The following NRG1 variants were observed in gnomAD, a reference collection of about 807,000 sequenced individuals.
NRG1 encodes the protein neuregulin 1, also known as pro-neuregulin-1, membrane-bound isoform.
A neutral mutation model predicts 63.8 loss-of-function variants in NRG1; 18 were observed. The ratio of observed to expected loss-of-function variants is 0.28; its 90% CI spans 0.19 to 0.42. The LOEUF is 0.42. Ranked by LOEUF, NRG1 falls within the 10% of genes least tolerant of loss-of-function variation. NRG1 has a pLI of 1.00. For synonymous variants in NRG1, 302 were observed against 301.3 expected, an observed-to-expected ratio of 1.00 and a Z score of -0.02; for missense variants, 762 against 814.7, an observed-to-expected ratio of 0.94 and a Z score of 0.79.
chr8:31,746,675 T>C (rs1302358373), intron 1 of NRG1, among the ~76,000 whole-genome samples: 3 of 151,860 alleles, frequency 2.0e-5, no homozygotes, highest in Non-Finnish European at 4.4e-5. Context: ...CAAAAGAAAA[T>C]AAATCAGTAT....
At position 31,996,542 on chromosome 8, in the gene NRG1, A is replaced by G. The variant is rs1188023111; in HGVS notation, c.37+357111A>G. 2.6e-5 allele frequency among the ~76,000 whole-genome samples: 4 copies of G among 152,012 alleles called. No individual in the cohort carries two copies. The East Asian group carries it at 7.8e-4, about 30-fold the overall frequency. Reference sequence around the variant, plus strand: ...AGCTCAGGAGTCTAAGACCAGCCTGAGTAACAAGTGAGACCCTCTTCTCTA... The same window carrying G: ...AGCTCAGGAGTCTAAGACCAGCCTGGGTAACAAGTGAGACCCTCTTCTCTA... On this transcript the variant is annotated intron_variant, in intron 1 of 10. Coordinates refer to the NRG1 transcript ENST00000519301.
intron 1 of NRG1, among the ~76,000 whole-genome samples, chr8:31,959,623 A>G (rs552400117): frequency 1.3e-5 from 2 of 152,274 alleles, no homozygotes; most frequent in Non-Finnish European, 2.9e-5. Flanking sequence ...TAGTTAATCT[A>G]TAAAGCCTTA....
chr8:32,215,596 A>T (rs575528974), intron 1 of NRG1, among the ~76,000 whole-genome samples: 1 of 152,362 alleles, frequency 6.6e-6, no homozygotes, highest in South Asian at 2.1e-4. Context: ...AAGGTCTCAC[A>T]GTTGTAAGGG....
At chr8:32,637,733 T>C (rs1459933580) in intron 5 of NRG1, among the ~76,000 whole-genome samples, 12 of 152,194 alleles carry the variant, frequency 7.9e-5, no homozygotes, top group Non-Finnish European at 1.2e-4. Context: ...ACAATTCAGG[T>C]AGCGTCTAAT....
chr8:32,397,738 T>C (rs1317025648), intron 1 of NRG1, among the ~76,000 whole-genome samples: 1 of 152,198 alleles, frequency 6.6e-6, no homozygotes, highest in Non-Finnish European at 1.5e-5. Flanking sequence ...AAACACACCC[T>C]CCTCTTCCCC....
intron 1 of NRG1, among the ~76,000 whole-genome samples, chr8:32,537,621 G>C (rs1023383239): frequency 6.6e-5 from 10 of 152,188 alleles, no homozygotes; most frequent in Non-Finnish European, 1.2e-4. Flanking sequence ...AGTCAGGGGA[G>C]AGTGGCAACT....
intron 1 of NRG1, among the ~76,000 whole-genome samples, chr8:31,774,700 A>G (rs1194366101): frequency 6.6e-6 from 1 of 152,178 alleles, no homozygotes; most frequent in Non-Finnish European, 1.5e-5. Flanking sequence ...ATTTAAATTA[A>G]GTCCCAGTTG....
chr8:32,487,952 A>C (rs1826105279), intron 1 of NRG1, among the ~76,000 whole-genome samples: 1 of 152,216 alleles, frequency 6.6e-6, no homozygotes, highest in Admixed American at 6.5e-5. Flanking sequence ...CAACAAGGGT[A>C]CAAAGGCAGC....
chr8:32,514,998 C>A (rs1829665879), intron 1 of NRG1, among the ~76,000 whole-genome samples: 1 of 89,062 alleles, frequency 1.1e-5, no homozygotes, highest in Admixed American at 1.4e-4. Flanking sequence ...GTATACATAT[C>A]ACATTTTCTT....
At chr8:32,622,759 G>A (rs1848562783) in intron 5 of NRG1, among the ~76,000 whole-genome samples, 1 of 152,210 alleles carries the variant, frequency 6.6e-6, no homozygotes, top group African/African-American at 2.4e-5. Flanking sequence ...GAAGTCTAAT[G>A]TGAGAAAATG....
At chr8:32,646,146 C>T (rs537249757) in intron 5 of NRG1, among the ~76,000 whole-genome samples, 1 of 152,248 alleles carries the variant, frequency 6.6e-6, no homozygotes, top group Admixed American at 6.5e-5. Context: ...ATTAGCTTGA[C>T]ATTATTAGTC....
chr8:32,211,187 C>A (rs566723711), intron 1 of NRG1, among the ~76,000 whole-genome samples: 4 of 152,152 alleles, frequency 2.6e-5, no homozygotes, highest in African/African-American at 9.6e-5. Flanking sequence ...AGATTTTGTT[C>A]TGTTTCTTTT....
intron 1 of NRG1, among the ~76,000 whole-genome samples, chr8:31,944,638 G>A (rs1416328173): frequency 6.6e-6 from 1 of 152,212 alleles, no homozygotes; most frequent in African/African-American, 2.4e-5. Flanking sequence ...ATTAACTTCA[G>A]CCTTGTATTT....
upstream of NRG1, among the ~76,000 whole-genome samples, chr8:32,547,581 C>G (rs1833203098): frequency 6.9e-6 from 1 of 145,736 alleles, no homozygotes; most frequent in African/African-American, 2.5e-5. Flanking sequence ...TTCTAACAGG[C>G]ACTTACTAAA....
At chr8:32,454,610 C>T (rs933971975) in intron 1 of NRG1, among the ~76,000 whole-genome samples, 29 of 111,964 alleles carry the variant, frequency 2.6e-4, no homozygotes, top group Admixed American at 2.4e-4. Flanking sequence ...GGTGGCTGCT[C>T]TCAAATTTTT....
chr8:32,120,921 G>T (rs1241293141), intron 1 of NRG1, among the ~76,000 whole-genome samples: 1 of 152,002 alleles, frequency 6.6e-6, no homozygotes, highest in South Asian at 2.1e-4. Flanking sequence ...TCTGCAAGAG[G>T]GGAGTTCCAT....
chr8:31,890,842 C>A (rs1038919320), intron 1 of NRG1, among the ~76,000 whole-genome samples: 5 of 152,142 alleles, frequency 3.3e-5, no homozygotes. Context: ...CAAATGGAAT[C>A]AAACAGGAAA....
chr8:32,227,325 A>G (rs1296159452), intron 1 of NRG1, among the ~76,000 whole-genome samples: 1 of 152,216 alleles, frequency 6.6e-6, no homozygotes, highest in African/African-American at 2.4e-5. Context: ...TTCTTCATGA[A>G]TCTATTCATC....
chr8:32,773,684 T>C (rs906410168), intron 7 of NRG1, among the ~76,000 whole-genome samples: 3 of 152,170 alleles, frequency 2.0e-5, no homozygotes, highest in African/African-American at 7.2e-5. Flanking sequence ...TCCTGACTCA[T>C]CTACTTCCTT....
Sources: gnomAD v4.1 joint callset for allele counts (sites outside exome capture counted in the v4.1 genomes callset) on GRCh38, gnomAD v4.1.1 for gene constraint, MANE v1.5 for transcripts, NCBI Gene and HGNC (gene_info 2026-07-23, HGNC 2026-07-21) for gene names.